Variants in TES observed in about 807,000 individuals in gnomAD.
TES encodes the protein testin.
In TES, 41 loss-of-function variants were observed where a neutral mutation model predicts 48.2. That is an observed-to-expected ratio of 0.85 (90% CI 0.66 to 1.10). The LOEUF (loss-of-function observed/expected upper bound fraction) is 1.10. Ranked by LOEUF, TES falls within the 50% of genes least tolerant of loss-of-function variation. The pLI, the probability that TES is intolerant of heterozygous loss-of-function variation, is 0.00. For missense variants in TES, 463 were observed against 515.1 expected (o/e 0.90, Z 0.98); for synonymous variants, 162 against 174.9 (o/e 0.93, Z 0.58).
intron 1 of TES, among the ~76,000 whole-genome samples, chr7:116,220,279 G>A (rs1204281525): frequency 6.6e-6 from 1 of 152,126 alleles, no homozygotes; most frequent in Non-Finnish European, 1.5e-5. Flanking sequence ...CTTTTAAGAT[G>A]TCCCAGGTAA....
At chr7:116,217,972 T>A (rs1366223103) in intron 1 of TES, 1 of 484,736 alleles carries the variant, frequency 2.1e-6, no homozygotes. Context: ...TTGGTCAAAT[T>A]CAAAAAAGTA....
rs1799422385 is a variant in TES at position 116,210,573 on chromosome 7, G to A, written c.-135G>A. 9.9e-7 allele frequency: 1 copy of A among 1,014,810 alleles called. No homozygotes were observed. The highest frequency in any genetic ancestry group is 4.0e-5 in the South Asian group (1 of 24,838). 62.9% of individuals were successfully genotyped at this position (1,014,810 alleles called of 1,614,324 possible). A position where few individuals can be genotyped will look rare whatever the true frequency, so the allele number is the denominator to read the frequency against. On this transcript the variant is annotated 5_prime_UTR_variant, in exon 1 of 7. Transcript: ENST00000358204. ...GACTGGGCGGCGGAAGTTCGACGGC[G>A]CCGGGCGAGTGGCTGTTGAGCGGCG... is the stretch of plus-strand genomic sequence containing the variant.
intron 2 of TES, among the ~76,000 whole-genome samples, chr7:116,235,212 A>G (rs1799753063): frequency 6.6e-6 from 1 of 152,176 alleles, no homozygotes; most frequent in South Asian, 2.1e-4. Context: ...CAACCTCCCA[A>G]AGTGCTGGGA....
intron 2 of TES, among the ~76,000 whole-genome samples, chr7:116,240,326 A>T (rs1004599308): frequency 6.6e-6 from 1 of 152,180 alleles, no homozygotes; most frequent in Non-Finnish European, 1.5e-5. Context: ...ATACAAAAAA[A>T]TTTCTTTTGG....
chr7:116,229,325 A>G (rs1799667426), intron 1 of TES, among the ~76,000 whole-genome samples: 2 of 152,126 alleles, frequency 1.3e-5, no homozygotes, highest in Non-Finnish European at 2.9e-5. Flanking sequence ...TGGATGTCCA[A>G]GAATAGTCAT....
intron 1 of TES, among the ~76,000 whole-genome samples, chr7:116,231,233 T>C (rs973249310): frequency 7.9e-5 from 12 of 152,208 alleles, no homozygotes; most frequent in African/African-American, 2.4e-4. Flanking sequence ...TGCCTAGTCC[T>C]GTCCAGAATA....
At chr7:116,236,041 C>T (rs1471408235) in intron 2 of TES, among the ~76,000 whole-genome samples, 1 of 152,142 alleles carries the variant, frequency 6.6e-6, no homozygotes, top group East Asian at 1.9e-4. Context: ...ACTTAAGCAG[C>T]TCTCCCTTGT....
At chr7:116,250,102 T>C in intron 3 of TES, 59 bp from the exon 4 acceptor site, 2 of 1,418,976 alleles carry the variant, frequency 1.4e-6, no homozygotes, top group Non-Finnish European at 1.9e-6. Context: ...ATGTGTGTTA[T>C]GAAACATCAC....
At chr7:116,253,975 T>A (rs908523382) in intron 6 of TES, among the ~76,000 whole-genome samples, 1 of 152,084 alleles carries the variant, frequency 6.6e-6, no homozygotes, top group African/African-American at 2.4e-5. Context: ...TGTCAGCACT[T>A]AGAAAATGTT....
At chr7:116,254,375 G>A (rs946976950) in intron 6 of TES, among the ~76,000 whole-genome samples, 1 of 151,944 alleles carries the variant, frequency 6.6e-6, no homozygotes, top group African/African-American at 2.4e-5. Flanking sequence ...CTAATCAATG[G>A]CAGGGTATAA....
chr7:116,210,799 C>T (rs1295697597), intron 1 of TES, 65 bp downstream of exon 1: 1 of 1,219,370 alleles, frequency 8.2e-7, no homozygotes, highest in East Asian at 3.4e-5. Context: ...CGCGCGGCGG[C>T]CGGAGGTGCC....
At chr7:116,249,558 C>G (rs1799974360) in intron 3 of TES, 1 of 320,286 alleles carries the variant, frequency 3.1e-6, no homozygotes, top group Non-Finnish European at 5.7e-6. Flanking sequence ...AGTAACTCTT[C>G]TAGCTTAGTC....
At chr7:116,251,446 G>A (rs970284572) in intron 4 of TES, 3 of 279,762 alleles carry the variant, frequency 1.1e-5, no homozygotes, top group Admixed American at 9.0e-5. Context: ...ACTTTGGGAG[G>A]CTGAGGCGGG....
rs1364290737 is a variant in TES, at chr7:116,234,089, TAATAAA to T, written c.28-439_28-434del. 2.0e-5 allele frequency among the ~76,000 whole-genome samples: 3 copies of T among 152,080 alleles called. No individual in the cohort carries two copies. The East Asian group carries it at 5.8e-4, about 29-fold the overall frequency. On this transcript the variant is annotated intron_variant, in intron 1 of 6. Coordinates refer to ENST00000358204, the MANE Select transcript of TES (RefSeq NM_015641.4). Reference sequence around the variant, plus strand: ...GTAGCTATTATAATAATATTTATCATAATAAAAATAATATTTCAGTTGTAATTCCTA... The same window carrying T: ...GTAGCTATTATAATAATATTTATCATAATAATATTTCAGTTGTAATTCCTA...
intron 1 of TES, among the ~76,000 whole-genome samples, chr7:116,232,488 T>A (rs1294319627): frequency 6.6e-6 from 1 of 152,210 alleles, no homozygotes; most frequent in East Asian, 1.9e-4. Context: ...ATGAATCATA[T>A]CCATACTCCA....
chr7:116,250,780 A>G (rs56204628), intron 4 of TES, among the ~76,000 whole-genome samples: 95,281 of 152,032 alleles, frequency 0.63, 30,185 homozygotes, highest in African/African-American at 0.71. Flanking sequence ...CAAAGACAGC[A>G]TTATTATTCT....
intron 1 of TES, among the ~76,000 whole-genome samples, chr7:116,227,456 G>C (rs1799638164): frequency 6.6e-6 from 1 of 152,046 alleles, no homozygotes; most frequent in Non-Finnish European, 1.5e-5. Context: ...AATCTTGTTA[G>C]AGATTTGGAA....
In TES at chr7:116,221,856, A is replaced by G. The variant is rs751379191; in HGVS notation, c.27+11122A>G. On this transcript the variant is annotated intron_variant, in intron 1 of 6. Transcript: ENST00000358204. ...AACTGCAATTTTATCTTAGTTGTAA[A>G]TAGGTGGTATATGCATATTTTGAAA... 2.6e-5 allele frequency among the ~76,000 whole-genome samples: 4 copies of G among 152,196 alleles called. 1 individual carries two copies. The highest frequency in any genetic ancestry group is 2.6e-4 in the Admixed American group (4 of 15,270).
chr7:116,213,287 TTGAA>T (rs1181022398), intron 1 of TES, among the ~76,000 whole-genome samples: 3 of 152,230 alleles, frequency 2.0e-5, no homozygotes, highest in Non-Finnish European at 4.4e-5. Context: ...AATTTATAGT[TTGAA>T]TGTACCTTGA....
Sources: gnomAD v4.1 joint callset for allele counts (sites outside exome capture counted in the v4.1 genomes callset) on GRCh38, gnomAD v4.1.1 for gene constraint, MANE v1.5 for transcripts, NCBI Gene and HGNC (gene_info 2026-07-23, HGNC 2026-07-21) for gene names.